Variants in HUNK observed in about 807,000 individuals in gnomAD.
HUNK encodes the protein hormonally up-regulated Neu-associated kinase, also known as hormonally up-regulated neu tumor-associated kinase.
Under a neutral mutation model 61.0 loss-of-function variants are expected in HUNK, and 21 were observed. The observed-to-expected ratio is 0.34, with a 90% CI of 0.24 to 0.50. The LOEUF (loss-of-function observed/expected upper bound fraction) is 0.50. Among genes scored for constraint, HUNK ranks in the 20% least tolerant of loss-of-function variants. The pLI is 0.98. For missense variants in HUNK, 772 were observed against 945.7 expected (o/e 0.82, Z 2.41); for synonymous variants, 371 against 386.1 (o/e 0.96, Z 0.46).
chr21:31,910,362 A>G (rs1367903860), intron 1 of HUNK, among the ~76,000 whole-genome samples: 1 of 152,138 alleles, frequency 6.6e-6, no homozygotes, highest in Non-Finnish European at 1.5e-5. Context: ...TCTTCGTATC[A>G]AGACACCAGT....
At chr21:31,974,931 G>C (rs911941716) in intron 7 of HUNK, among the ~76,000 whole-genome samples, 1 of 151,830 alleles carries the variant, frequency 6.6e-6, no homozygotes, top group Non-Finnish European at 1.5e-5. Flanking sequence ...CTCCCACCGA[G>C]TTAAGCCCTG....
At chr21:31,987,028 C>T (rs2053138218) in intron 8 of HUNK, among the ~76,000 whole-genome samples, 3 of 152,148 alleles carry the variant, frequency 2.0e-5, no homozygotes, top group South Asian at 4.1e-4. Context: ...AGAGGCCACA[C>T]GATGCCTGGC....
At chr21:31,990,027 C>T (rs1449700921) in intron 8 of HUNK, 102 bp from the exon 9 acceptor site, 33 of 1,075,060 alleles carry the variant, frequency 3.1e-5, no homozygotes, top group East Asian at 9.5e-5. Flanking sequence ...AAAACCGAAA[C>T]GAATAATTCT....
intron 7 of HUNK, among the ~76,000 whole-genome samples, chr21:31,981,445 T>TA (rs2053097025): frequency 6.6e-6 from 1 of 152,160 alleles, no homozygotes; most frequent in Non-Finnish European, 1.5e-5. Context: ...GTAGATTGCT[T>TA]AGTATAGTAT....
chr21:31,977,347 G>C (rs1218734201), intron 7 of HUNK, among the ~76,000 whole-genome samples: 1 of 152,112 alleles, frequency 6.6e-6, no homozygotes, highest in Non-Finnish European at 1.5e-5. Flanking sequence ...TTAATGCACT[G>C]GTAATCTTTT....
chr21:31,960,125 CCATT>C (rs757627282), intron 5 of HUNK, among the ~76,000 whole-genome samples: 1 of 152,126 alleles, frequency 6.6e-6, no homozygotes, highest in Non-Finnish European at 1.5e-5. Flanking sequence ...TGAGGTGTGC[CCATT>C]CATTCATTCA....
chr21:32,001,730 T>C lies in HUNK; in HGVS notation c.*2546T>C, dbSNP rs1016426002. On this transcript the variant is annotated 3_prime_UTR_variant, in exon 11 of 11. Coordinates refer to ENST00000270112, the MANE Select transcript of HUNK (RefSeq NM_014586.2). ...AGGAGAAATGTTAGATTCTTTATTATTTTATTATATTTATATGGAAAGCTC... is the reference window on the plus strand; with the variant it reads ...AGGAGAAATGTTAGATTCTTTATTACTTTATTATATTTATATGGAAAGCTC... 4 of 152,560 alleles carry C rather than the reference T, an allele frequency of 2.6e-5. No homozygotes were observed. The highest frequency in any genetic ancestry group is 9.7e-5 in the African/African-American group (4 of 41,432). 9.5% of individuals were successfully genotyped at this position (152,560 alleles called of 1,614,324 possible). A position where few individuals can be genotyped will look rare whatever the true frequency, so the allele number is the denominator to read the frequency against.
intron 1 of HUNK, among the ~76,000 whole-genome samples, chr21:31,886,105 A>G (rs1177978418): frequency 6.6e-6 from 1 of 152,096 alleles, no homozygotes; most frequent in Non-Finnish European, 1.5e-5. Context: ...CCTCACTTTA[A>G]CTTGATTACT....
intron 4 of HUNK, 89 bp from the exon 5 acceptor site, chr21:31,958,754 G>C (rs1268794948): frequency 3.1e-6 from 4 of 1,282,204 alleles, no homozygotes; most frequent in Non-Finnish European, 4.2e-6. Context: ...GGAAGCAGCA[G>C]CTCCCACGCT....
chr21:31,949,893 G>A (rs550980932), intron 4 of HUNK, among the ~76,000 whole-genome samples: 1 of 152,252 alleles, frequency 6.6e-6, no homozygotes, highest in South Asian at 2.1e-4. Flanking sequence ...GTAATGATCA[G>A]CATGTATTGA....
In HUNK at chr21:32,003,233, T is replaced by G. The variant is rs2053257590; in HGVS notation, c.*4049T>G. 6.6e-6 allele frequency: 1 copy of G among 152,242 alleles called. No individual in the cohort carries two copies. Among genetic ancestry groups the G allele is most frequent in the African/African-American group, 2.4e-5 (1 of 41,466 alleles). 9.4% of individuals were successfully genotyped at this position (152,242 alleles called of 1,614,324 possible). A position where few individuals can be genotyped will look rare whatever the true frequency, so the allele number is the denominator to read the frequency against. The stretch of plus-strand genomic sequence containing the variant: ...TGCATTTTTAAGTCCTTTTCAAAAC[T>G]GTGCAGCTTCCTGAACCTTATGCTG... On this transcript the variant is annotated 3_prime_UTR_variant, in exon 11 of 11. Coordinates refer to ENST00000270112, the MANE Select transcript of HUNK (RefSeq NM_014586.2).
intron 8 of HUNK, among the ~76,000 whole-genome samples, chr21:31,986,915 G>A (rs2053137474): frequency 6.6e-6 from 1 of 152,152 alleles, no homozygotes; most frequent in South Asian, 2.1e-4. Flanking sequence ...CCCATTTGCA[G>A]CTGTTTATTT....
intron 1 of HUNK, among the ~76,000 whole-genome samples, chr21:31,892,166 TA>T (rs1216590249): frequency 1.1e-4 from 12 of 113,288 alleles, no homozygotes; most frequent in African/African-American, 2.0e-4. Context: ...AAAAAAAATA[TA>T]TATATATATA....
intron 6 of HUNK, 81 bp downstream of exon 6, chr21:31,968,466 T>C: frequency 6.5e-7 from 1 of 1,533,666 alleles, no homozygotes; most frequent in African/African-American, 1.4e-5. Context: ...GACAGAAAGC[T>C]GTCCGTGATT....
chr21:31,966,003 C>T (rs891729884), intron 5 of HUNK, among the ~76,000 whole-genome samples: 10 of 152,118 alleles, frequency 6.6e-5, no homozygotes, highest in Admixed American at 3.9e-4. Flanking sequence ...TTGGGTGCAT[C>T]CATCGCCTGA....
chr21:31,892,180 T>TAGAGAGAG (rs66753649), intron 1 of HUNK, among the ~76,000 whole-genome samples: 24 of 109,714 alleles, frequency 2.2e-4, no homozygotes, highest in Non-Finnish European at 3.0e-4. Context: ...TATATATATA[T>TAGAGAGAG]AGAGAGAGAG....
chr21:31,909,102 G>A (rs986983038), intron 1 of HUNK, among the ~76,000 whole-genome samples: 15 of 152,156 alleles, frequency 9.9e-5, no homozygotes, highest in Non-Finnish European at 1.8e-4. Context: ...GAGGGACTGA[G>A]GGTTAATTTT....
intron 1 of HUNK, among the ~76,000 whole-genome samples, chr21:31,876,628 G>A (rs1283444585): frequency 6.6e-6 from 1 of 152,194 alleles, no homozygotes; most frequent in Non-Finnish European, 1.5e-5. Context: ...GAGCTACTAA[G>A]ATGATTTTGG....
intron 7 of HUNK, among the ~76,000 whole-genome samples, chr21:31,979,642 A>C (rs2053079507): frequency 6.8e-6 from 1 of 147,728 alleles, no homozygotes; most frequent in African/African-American, 2.5e-5. Context: ...CAGCCTCCCA[A>C]GTAGCTGGGA....
Sources: allele counts gnomAD v4.1 joint callset (sites outside exome capture counted in the v4.1 genomes callset), GRCh38; gene constraint gnomAD v4.1.1; transcripts MANE v1.5; gene names NCBI Gene and HGNC (gene_info 2026-07-23, HGNC 2026-07-21).